The following AGTPBP1 variants were observed in gnomAD, a reference collection of about 807,000 sequenced individuals.
AGTPBP1 encodes the protein ATP/GTP binding carboxypeptidase 1.
AGTPBP1 carries 70 observed loss-of-function variants against 143.9 expected under a neutral mutation model. The ratio of observed to expected loss-of-function variants is 0.49; its 90% CI spans 0.40 to 0.59. The LOEUF (loss-of-function observed/expected upper bound fraction) is 0.59, where lower values mean the gene tolerates loss of function less well. AGTPBP1 is among the 20% of genes least tolerant of loss of function. The pLI is 0.00. For synonymous variants in AGTPBP1, 463 were observed against 500.2 expected (o/e 0.93, Z 0.99); for missense variants, 1,229 against 1,464.5 (o/e 0.84, Z 2.62).
chr9:85,780,887 C>T, the AGTPBP1 span, among the ~76,000 whole-genome samples: 1 of 152,106 alleles, frequency 6.6e-6, no homozygotes, highest in South Asian at 2.1e-4. Context: ...GAAGCCAAGG[C>T]GGGCAGTTCA....
chr9:85,763,945 C>G, the AGTPBP1 span, among the ~76,000 whole-genome samples: 400 of 152,220 alleles, frequency 2.6e-3, 2 homozygotes, highest in African/African-American at 9.4e-3. Flanking sequence ...TAGTGAACAT[C>G]TCCATAAATC....
chr9:85,716,483 G>A (rs1266978725), intron 1 of AGTPBP1, among the ~76,000 whole-genome samples: 1 of 152,148 alleles, frequency 6.6e-6, no homozygotes, highest in Non-Finnish European at 1.5e-5. Context: ...TTCCAAGTGT[G>A]CTCTACTCTG....
At chr9:85,673,902 T>C (rs1006149226) in intron 6 of AGTPBP1, among the ~76,000 whole-genome samples, 15 of 151,786 alleles carry the variant, frequency 9.9e-5, no homozygotes, top group Admixed American at 5.9e-4. Context: ...GGGTGGATCA[T>C]GAGGTCAGAA....
At chr9:85,739,568 C>A (rs1199933894) in intron 1 of AGTPBP1, among the ~76,000 whole-genome samples, 1 of 152,006 alleles carries the variant, frequency 6.6e-6, no homozygotes, top group East Asian at 1.9e-4. Context: ...CTTAGCCGGG[C>A]GTGGTGGTGT....
At chr9:85,769,050 CAAAAA>C in the AGTPBP1 span, among the ~76,000 whole-genome samples, 2 of 60,162 alleles carry the variant, frequency 3.3e-5, no homozygotes, top group Admixed American at 1.9e-4. Flanking sequence ...GAGGCCCTGT[CAAAAA>C]AAAAAAAAAA....
chr9:85,765,128 C>T, the AGTPBP1 span: 1 of 434,050 alleles, frequency 2.3e-6, no homozygotes, highest in Non-Finnish European at 4.2e-6. Flanking sequence ...CATAGTGGTC[C>T]ATGGACATGG....
rs199589522 is a variant in AGTPBP1 at position 85,741,905 on chromosome 9, A to AGGC, written c.-167_-165dup. On this transcript the variant is annotated 5_prime_UTR_variant, in exon 1 of 26. Transcript: ENST00000357081. ...CAAACCCCGGTGGCAGGCGAGGCGG[A>AGGC]GGCGGCGGCGGCGGCAGCTGCGGCG... is the stretch of plus-strand genomic sequence containing the variant. 160 of 1,336,000 alleles carry AGGC rather than the reference A, an allele frequency of 1.2e-4. 1 individual carries two copies. The highest frequency in any genetic ancestry group is 9.5e-4 in the South Asian group (50 of 52,496). 82.8% of individuals were successfully genotyped at this position (1,336,000 alleles called of 1,614,324 possible). A position where few individuals can be genotyped will look rare whatever the true frequency, so the allele number is the denominator to read the frequency against.
intron 3 of AGTPBP1, among the ~76,000 whole-genome samples, chr9:85,683,752 T>C (rs968168790): frequency 1.3e-5 from 2 of 152,148 alleles, no homozygotes; most frequent in South Asian, 2.1e-4. Flanking sequence ...GCCTCTGATA[T>C]CTTAATCCCT....
chr9:85,741,599 T>A, intron 1 of AGTPBP1, 176 bp downstream of exon 1: 1 of 985,276 alleles, frequency 1.0e-6, no homozygotes. Flanking sequence ...CAAGACCGAG[T>A]GCGTTCCCCT....
intron 2 of AGTPBP1, among the ~76,000 whole-genome samples, chr9:85,701,808 A>G (rs1587935100): frequency 6.6e-6 from 1 of 152,338 alleles, no homozygotes; most frequent in East Asian, 1.9e-4. Context: ...TTAGGAAAGG[A>G]AAAAATGTGA....
chr9:85,692,635 A>T, intron 3 of AGTPBP1, 54 bp downstream of exon 3: 1 of 1,570,842 alleles, frequency 6.4e-7, no homozygotes, highest in Non-Finnish European at 8.6e-7. Context: ...TTTAGCATCC[A>T]CTTTTAAAGA....
At chr9:85,561,288 G>C (rs545295999) in intron 25 of AGTPBP1, among the ~76,000 whole-genome samples, 2 of 151,702 alleles carry the variant, frequency 1.3e-5, no homozygotes, top group African/African-American at 4.8e-5. Context: ...CTTGAACCTG[G>C]GAGGCAGGAG....
chr9:85,714,815 A>C (rs1268015163), intron 1 of AGTPBP1, among the ~76,000 whole-genome samples: 2 of 152,228 alleles, frequency 1.3e-5, no homozygotes, highest in African/African-American at 4.8e-5. Flanking sequence ...TTGATGGCAA[A>C]AATTCAATAT....
At chr9:85,605,530 AACAATAAGAAATCATCAGAAAGT>A (rs1315678543) in intron 17 of AGTPBP1, among the ~76,000 whole-genome samples, 1 of 152,166 alleles carries the variant, frequency 6.6e-6, no homozygotes, top group African/African-American at 2.4e-5. Flanking sequence ...GACATTAATG[AACAATAAGAAATCATCAGAAAGT>A]ACAAAATTCA....
intron 12 of AGTPBP1, among the ~76,000 whole-genome samples, chr9:85,645,010 G>A (rs1014071403): frequency 5.9e-5 from 9 of 152,078 alleles, no homozygotes; most frequent in African/African-American, 1.9e-4. Context: ...GTACAGTATA[G>A]TGATAAAGAG....
the AGTPBP1 span, among the ~76,000 whole-genome samples, chr9:85,756,822 T>A: frequency 6.6e-6 from 1 of 152,102 alleles, no homozygotes; most frequent in Non-Finnish European, 1.5e-5. Flanking sequence ...ACACCTATGT[T>A]AAGTGAAAGA....
At chr9:85,654,263 ATGT>A (rs1253214083) in intron 11 of AGTPBP1, among the ~76,000 whole-genome samples, 5 of 152,146 alleles carry the variant, frequency 3.3e-5, no homozygotes, top group Non-Finnish European at 4.4e-5. Context: ...ACTTTGGTAG[ATGT>A]TGTCAAAGAA....
intron 4 of AGTPBP1, among the ~76,000 whole-genome samples, chr9:85,679,789 G>A (rs1381487956): frequency 1.3e-5 from 2 of 151,756 alleles, no homozygotes; most frequent in Non-Finnish European, 2.9e-5. Context: ...TATCCATGGT[G>A]TTTTTTTTCT....
chr9:85,639,208 ACC>A (rs897999707), intron 13 of AGTPBP1, among the ~76,000 whole-genome samples: 8 of 152,160 alleles, frequency 5.3e-5, no homozygotes, highest in Non-Finnish European at 8.8e-5. Context: ...TTTTTAAAAA[ACC>A]AATGAATCAA....
Sources: gnomAD v4.1 joint callset for allele counts (sites outside exome capture counted in the v4.1 genomes callset) on GRCh38, gnomAD v4.1.1 for gene constraint, MANE v1.5 for transcripts, NCBI Gene and HGNC (gene_info 2026-07-23, HGNC 2026-07-21) for gene names.